The following PITPNC1 variants were observed in gnomAD, a reference collection of about 807,000 sequenced individuals.
PITPNC1 encodes the protein cytoplasmic phosphatidylinositol transfer protein 1.
A neutral mutation model predicts 44.7 loss-of-function variants in PITPNC1; 18 were observed. That is an observed-to-expected ratio of 0.40 (90% confidence interval 0.28 to 0.60). PITPNC1 has a LOEUF of 0.60. PITPNC1 is among the 20% of genes least tolerant of loss of function. The probability of loss-of-function intolerance (pLI) is 0.39; values close to 1 mark genes in which losing one functional copy is unlikely to be tolerated. For synonymous variants in PITPNC1, 141 were observed against 149.6 expected (o/e 0.94, Z 0.42); for missense variants, 290 against 418.4 (o/e 0.69, Z 2.68).
intron 1 of PITPNC1, among the ~76,000 whole-genome samples, chr17:67,504,539 G>A (rs1294926418): frequency 1.3e-5 from 2 of 152,190 alleles, no homozygotes; most frequent in East Asian, 1.9e-4. Context: ...TCTAGAACCC[G>A]TACCTTCCTG....
rs1006177232 is a variant in PITPNC1 at position 67,512,500 on chromosome 17, CAAAAAAA to C, written c.49-20285_49-20279del. Among the ~76,000 whole-genome samples, 4 of 59,692 alleles carry C rather than the reference CAAAAAAA, an allele frequency of 6.7e-5. No homozygotes were observed. In the East Asian group the frequency reaches 1.6e-3, roughly 23 times the overall value. 39.2% of individuals were successfully genotyped at this position (59,692 alleles called of 152,430 possible). ...TGGGCGACAGAGTGAGACTGTGTCTCAAAAAAAAAAAAAAAAAAAAAAACAGCTGGAC... is the reference window on the plus strand; with the variant it reads ...TGGGCGACAGAGTGAGACTGTGTCTCAAAAAAAAAAAAAAAACAGCTGGAC... On this transcript the variant is annotated intron_variant, in intron 1 of 8. Transcript: ENST00000581322.
chr17:67,411,151 C>A (rs1267499917), intron 1 of PITPNC1, among the ~76,000 whole-genome samples: 1 of 151,066 alleles, frequency 6.6e-6, no homozygotes, highest in African/African-American at 2.4e-5. Context: ...GCTTCCTTTT[C>A]TTGGTACCCA....
chr17:67,436,753 G>A (rs1254634684), intron 1 of PITPNC1, among the ~76,000 whole-genome samples: 1 of 151,984 alleles, frequency 6.6e-6, no homozygotes, highest in African/African-American at 2.4e-5. Context: ...GTGGATGGCT[G>A]AGGTAAAGGA....
At chr17:67,553,363 G>A in intron 3 of PITPNC1, 1 of 331,636 alleles carries the variant, frequency 3.0e-6, no homozygotes, top group African/African-American at 2.1e-5. Context: ...TTAGCCACAA[G>A]CCTATAGGCT....
intron 5 of PITPNC1, among the ~76,000 whole-genome samples, chr17:67,603,995 A>C (rs567116738): frequency 5.6e-4 from 85 of 152,244 alleles, no homozygotes; most frequent in African/African-American, 2.0e-3. Flanking sequence ...GTCTGGTTGA[A>C]AGTTTAAATT....
Position 67,683,189 on chromosome 17 carries a change from A to G in PITPNC1, c.682+7647A>G, listed in dbSNP as rs554158301. ...AAAAAAAAAAAAAAAAAAAAAAAAG[A>G]GTTGATACACATAAGCATTTGTTTG... is the stretch of plus-strand genomic sequence containing the variant. On this transcript the variant is annotated intron_variant, in intron 8 of 8. Coordinates refer to ENST00000581322, the MANE Select transcript of PITPNC1 (RefSeq NM_012417.4). Among the ~76,000 whole-genome samples, 5 of 147,160 alleles carry G rather than the reference A, an allele frequency of 3.4e-5. No homozygotes were observed. In the South Asian group the frequency reaches 1.1e-3, roughly 31 times the overall value.
chr17:67,511,516 TTTTTCTTTTTG>T (rs2040184376), intron 1 of PITPNC1, among the ~76,000 whole-genome samples: 1 of 152,122 alleles, frequency 6.6e-6, no homozygotes, highest in Non-Finnish European at 1.5e-5. Context: ...CTAGCTGTTC[TTTTTCTTTTTG>T]AGACAGAGTC....
At chr17:67,433,898 T>C (rs906314014) in intron 1 of PITPNC1, among the ~76,000 whole-genome samples, 2 of 151,640 alleles carry the variant, frequency 1.3e-5, no homozygotes, top group Non-Finnish European at 2.9e-5. Context: ...CGAGACTCTG[T>C]CTCCTCCTCC....
In PITPNC1 at chr17:67,688,338, C is replaced by CA. The variant is rs56938476; in HGVS notation, c.683-4221dup. 1.2e-3 allele frequency among the ~76,000 whole-genome samples: 66 copies of CA among 54,328 alleles called. 15 individuals carry two copies. The highest frequency in any genetic ancestry group is 4.8e-3 in the East Asian group (5 of 1,032). 35.6% of individuals were successfully genotyped at this position (54,328 alleles called of 152,430 possible). A position where few individuals can be genotyped will look rare whatever the true frequency, so the allele number is the denominator to read the frequency against. ...GGGCAACAAGAGCAAAATTCTGTCT[C>CA]AAAAAAAAAAAAATCAATGCTGTAG... On this transcript the variant is annotated intron_variant, in intron 8 of 8. Transcript: ENST00000581322.
chr17:67,686,203 T>C (rs1458865601), intron 8 of PITPNC1, among the ~76,000 whole-genome samples: 1 of 150,386 alleles, frequency 6.6e-6, no homozygotes, highest in African/African-American at 2.5e-5. Context: ...GACCAGATAA[T>C]TTTTTGTTGG....
intron 1 of PITPNC1, among the ~76,000 whole-genome samples, chr17:67,440,510 ATTTAT>A (rs1355882854): frequency 9.2e-6 from 1 of 108,684 alleles, no homozygotes; most frequent in African/African-American, 4.0e-5. Context: ...TTATTTATTT[ATTTAT>A]TTATTTATTT....
At chr17:67,621,455 G>A (rs888510516) in intron 5 of PITPNC1, among the ~76,000 whole-genome samples, 2 of 152,126 alleles carry the variant, frequency 1.3e-5, no homozygotes, top group African/African-American at 2.4e-5. Flanking sequence ...TGATCCACGT[G>A]CCTTGGCCTC....
chr17:67,416,203 CTT>C (rs71687631), intron 1 of PITPNC1, among the ~76,000 whole-genome samples: 5,117 of 66,878 alleles, frequency 0.077, 48 homozygotes, highest in Middle Eastern at 0.13. Flanking sequence ...ACATGTATTG[CTT>C]TTTTTTTTTT....
intron 1 of PITPNC1, among the ~76,000 whole-genome samples, chr17:67,530,727 A>G (rs2040450058): frequency 6.6e-6 from 1 of 152,228 alleles, no homozygotes. Flanking sequence ...AGCCCCAAGT[A>G]CAAAGCAACT....
At chr17:67,449,652 T>G (rs1307139116) in intron 1 of PITPNC1, among the ~76,000 whole-genome samples, 1 of 152,194 alleles carries the variant, frequency 6.6e-6, no homozygotes, top group African/African-American at 2.4e-5. Context: ...TCTAGACATC[T>G]CGGAGAATTG....
At chr17:67,608,553 C>A (rs992812811) in intron 5 of PITPNC1, among the ~76,000 whole-genome samples, 9 of 148,838 alleles carry the variant, frequency 6.0e-5, no homozygotes, top group African/African-American at 2.2e-4. Flanking sequence ...TGCAATGGTG[C>A]GATCTGAGCT....
At chr17:67,599,035 T>TATA (rs71139161) in intron 5 of PITPNC1, among the ~76,000 whole-genome samples, 23 of 28,876 alleles carry the variant, frequency 8.0e-4, no homozygotes, top group East Asian at 2.1e-3. Flanking sequence ...TATATATATA[T>TATA]TTTTTTTTTT....
chr17:67,378,918 C>T (rs2037914029), intron 1 of PITPNC1: 1 of 952,552 alleles, frequency 1.0e-6, no homozygotes, highest in African/African-American at 1.8e-5. Flanking sequence ...CACGTGGTGC[C>T]GGGGCCGCGG....
Position 67,681,165 on chromosome 17 carries a change from C to T in PITPNC1, c.682+5623C>T, listed in dbSNP as rs1032076374. On this transcript the variant is annotated intron_variant, in intron 8 of 8. Transcript: ENST00000581322. The stretch of plus-strand genomic sequence containing the variant: ...AAGGCCTTTCAAACATATGATCTTG[C>T]CTCCACTTCCTGTGAAATTAACCTC... Among the ~76,000 whole-genome samples, 3 of 152,146 alleles carry T rather than the reference C, an allele frequency of 2.0e-5. No individual in the cohort carries two copies. The East Asian group carries it at 5.8e-4, about 29-fold the overall frequency.
Sources: gnomAD v4.1 joint callset for allele counts (sites outside exome capture counted in the v4.1 genomes callset) on GRCh38, gnomAD v4.1.1 for gene constraint, MANE v1.5 for transcripts, NCBI Gene and HGNC (gene_info 2026-07-23, HGNC 2026-07-21) for gene names.